The following FAM193A variants were observed in gnomAD, a reference collection of about 807,000 sequenced individuals.
FAM193A encodes the protein family with sequence similarity 193 member A.
Under a neutral mutation model 126.5 loss-of-function variants are expected in FAM193A, and 22 were observed. The ratio of observed to expected loss-of-function variants is 0.17; its 90% CI spans 0.12 to 0.25. FAM193A has a LOEUF of 0.25. Among genes scored for constraint, FAM193A ranks in the 10% least tolerant of loss-of-function variants. The probability of loss-of-function intolerance (pLI) is 1.00; values close to 1 mark genes in which losing one functional copy is unlikely to be tolerated. For missense variants in FAM193A, 1,675 were observed against 1,672.8 expected, an observed-to-expected ratio of 1.00 and a Z score of -0.02; for synonymous variants, 761 against 646.8, an observed-to-expected ratio of 1.18 and a Z score of -2.68.
At chr4:2,651,871 A>G (rs1313942765) in intron 7 of FAM193A, among the ~76,000 whole-genome samples, 1 of 152,172 alleles carries the variant, frequency 6.6e-6, no homozygotes, top group African/African-American at 2.4e-5. Context: ...AGCTCGTCCC[A>G]GACAGCCCCC....
chr4:2,546,701 T>C lies in FAM193A; in HGVS notation c.255+9531T>C, dbSNP rs1314642838. ...GGACATTGGGGTTGTTTTGAGGTTT[T>C]GGTGATTATAAATAGAGTTGCCATA... On this transcript the variant is annotated intron_variant, in intron 1 of 20. Coordinates refer to ENST00000637812, the MANE Select transcript of FAM193A (RefSeq NM_001366318.2). Among the ~76,000 whole-genome samples the C allele has an allele frequency of 5.2e-4, 79 of 152,324 alleles. 1 individual carries two copies. The highest frequency in any genetic ancestry group is 1.3e-4 in the Non-Finnish European group (9 of 68,032).
chr4:2,617,183 TA>T lies in FAM193A; in HGVS notation c.502-8065del, dbSNP rs564369069. Among the ~76,000 whole-genome samples, 360 of 78,558 alleles carry T rather than the reference TA, an allele frequency of 4.6e-3. 1 individual carries two copies. The highest frequency in any genetic ancestry group is 0.021 in the South Asian group (50 of 2,338). 51.5% of individuals were successfully genotyped at this position (78,558 alleles called of 152,430 possible). ...ACTCCATCTCCAAAAAAAAAAAAAT[TA>T]AAAAAAAAAAAAAGAATATTTTTTG... On this transcript the variant is annotated intron_variant, in intron 2 of 20. Coordinates refer to ENST00000637812, the MANE Select transcript of FAM193A (RefSeq NM_001366318.2).
intron 1 of FAM193A, among the ~76,000 whole-genome samples, chr4:2,582,255 G>A (rs577987273): frequency 6.6e-6 from 1 of 151,910 alleles, no homozygotes; most frequent in Admixed American, 6.6e-5. Flanking sequence ...CCAGGCTCAA[G>A]TGTTCTCCAC....
chr4:2,629,742 A>G (rs1040264145), intron 4 of FAM193A, among the ~76,000 whole-genome samples: 1 of 152,246 alleles, frequency 6.6e-6, no homozygotes, highest in African/African-American at 2.4e-5. Context: ...TTTTATTATT[A>G]CATCAGTGGT....
intron 12 of FAM193A, among the ~76,000 whole-genome samples, chr4:2,663,611 G>C (rs999103451): frequency 1.3e-5 from 2 of 152,110 alleles, no homozygotes; most frequent in Non-Finnish European, 2.9e-5. Flanking sequence ...CTGTTCTTCT[G>C]TTAGCCAAAG....
intron 20 of FAM193A, among the ~76,000 whole-genome samples, chr4:2,728,995 G>T (rs1392759268): frequency 6.7e-6 from 1 of 148,740 alleles, no homozygotes; most frequent in Non-Finnish European, 1.5e-5. Flanking sequence ...TGTTACAGTG[G>T]GTAGCTAGTC....
chr4:2,563,773 ACAAG>A (rs1738775340), intron 1 of FAM193A, among the ~76,000 whole-genome samples: 1 of 152,220 alleles, frequency 6.6e-6, no homozygotes, highest in Admixed American at 6.5e-5. Context: ...TTTATTAATG[ACAAG>A]CCATGCCTGA....
intron 8 of FAM193A, among the ~76,000 whole-genome samples, chr4:2,658,728 T>A (rs1712020570): frequency 6.6e-6 from 1 of 151,764 alleles, no homozygotes; most frequent in Non-Finnish European, 1.5e-5. Context: ...CCTTTCCCCA[T>A]TCTGCATGTG....
intron 1 of FAM193A, among the ~76,000 whole-genome samples, chr4:2,559,672 G>C (rs1738482033): frequency 1.3e-5 from 2 of 152,170 alleles, no homozygotes; most frequent in Non-Finnish European, 2.9e-5. Flanking sequence ...ACACTCTGCT[G>C]CTTCCTCCTC....
At chr4:2,614,983 T>G (rs1234554896) in intron 2 of FAM193A, 1 of 152,202 alleles carries the variant, frequency 6.6e-6, no homozygotes. Context: ...TGTCTTTTTT[T>G]CCCCTAAGAC....
intron 1 of FAM193A, among the ~76,000 whole-genome samples, chr4:2,558,250 C>T (rs1024561494): frequency 2.9e-5 from 4 of 139,776 alleles, no homozygotes; most frequent in African/African-American, 1.1e-4. Flanking sequence ...TCGTGTTTGA[C>T]AGAGCGAGAC....
intron 8 of FAM193A, 87 bp from the exon 9 acceptor site, chr4:2,659,471 T>G (rs1712132447): frequency 2.2e-6 from 2 of 911,878 alleles, no homozygotes; most frequent in Non-Finnish European, 1.8e-6. Flanking sequence ...GTGAACATGA[T>G]ACATGTCAGC....
intron 20 of FAM193A, among the ~76,000 whole-genome samples, chr4:2,721,056 G>C (rs1370605014): frequency 6.6e-6 from 1 of 152,032 alleles, no homozygotes; most frequent in African/African-American, 2.4e-5. Context: ...GTTCATGCCT[G>C]TAATCCCAGC....
At chr4:2,615,812 C>T (rs1005308027) in intron 2 of FAM193A, among the ~76,000 whole-genome samples, 5 of 151,826 alleles carry the variant, frequency 3.3e-5, no homozygotes, top group Admixed American at 6.6e-5. Flanking sequence ...CCACCATGCC[C>T]GGCCTATTTT....
intron 19 of FAM193A, among the ~76,000 whole-genome samples, chr4:2,713,561 C>T (rs1177082366): frequency 2.0e-5 from 3 of 152,224 alleles, no homozygotes; most frequent in East Asian, 1.9e-4. Context: ...CTCTGACACC[C>T]ACTCATTGCC....
At chr4:2,652,271 T>A (rs987551091) in intron 7 of FAM193A, among the ~76,000 whole-genome samples, 1 of 152,140 alleles carries the variant, frequency 6.6e-6, no homozygotes, top group Non-Finnish European at 1.5e-5. Context: ...CAGAGAAGCT[T>A]TGAGTCTGGA....
chr4:2,635,737 C>T (rs1744022621), intron 5 of FAM193A, among the ~76,000 whole-genome samples: 1 of 152,098 alleles, frequency 6.6e-6, no homozygotes, highest in Non-Finnish European at 1.5e-5. Flanking sequence ...GGGGTTTCAC[C>T]ATGTTGGCCA....
intron 1 of FAM193A, among the ~76,000 whole-genome samples, chr4:2,538,925 C>G (rs1179900276): frequency 2.6e-5 from 4 of 151,944 alleles, no homozygotes; most frequent in Non-Finnish European, 5.9e-5. Context: ...GAGTCTCACT[C>G]TGTCGCCCAG....
At chr4:2,582,600 G>GT (rs1293662438) in intron 1 of FAM193A, among the ~76,000 whole-genome samples, 5 of 151,242 alleles carry the variant, frequency 3.3e-5, no homozygotes, top group East Asian at 3.9e-4. Flanking sequence ...TTTTGTTGTT[G>GT]TTTTTTAACG....
Sources: gnomAD v4.1 joint callset for allele counts (sites outside exome capture counted in the v4.1 genomes callset) on GRCh38, gnomAD v4.1.1 for gene constraint, MANE v1.5 for transcripts, NCBI Gene and HGNC (gene_info 2026-07-23, HGNC 2026-07-21) for gene names.